Variants in KCNT2 observed in about 807,000 individuals in gnomAD.
KCNT2 encodes potassium channel subfamily T member 2.
A neutral mutation model predicts 153.8 loss-of-function variants in KCNT2; 67 were observed. That is an observed-to-expected ratio of 0.44 (90% CI 0.36 to 0.53). The LOEUF is 0.53. KCNT2 is among the 20% of genes least tolerant of loss of function. The probability of loss-of-function intolerance (pLI) is 0.00; values close to 1 mark genes in which losing one functional copy is unlikely to be tolerated. For missense variants in KCNT2, 975 were observed against 1,354.8 expected (o/e 0.72, Z 4.40); for synonymous variants, 500 against 458.8 (o/e 1.09, Z -1.15).
intron 1 of KCNT2, among the ~76,000 whole-genome samples, chr1:196,588,092 T>C (rs1226611371): frequency 6.6e-6 from 1 of 152,064 alleles, no homozygotes; most frequent in Non-Finnish European, 1.5e-5. Context: ...TCTTTTATTG[T>C]TAACCTGAAC....
At chr1:196,411,944 T>G (rs1489670624) in intron 12 of KCNT2, among the ~76,000 whole-genome samples, 1 of 151,778 alleles carries the variant, frequency 6.6e-6, no homozygotes, top group Non-Finnish European at 1.5e-5. Flanking sequence ...GGGAATATAT[T>G]TTTAAGTTCT....
intron 12 of KCNT2, chr1:196,404,075 T>A (rs1671638146): frequency 1.3e-6 from 1 of 742,476 alleles, no homozygotes; most frequent in African/African-American, 1.9e-5. Context: ...AGTCCTCCCT[T>A]TTCCCAAAAG....
At chr1:196,250,152 A>G (rs1464542372) in intron 26 of KCNT2, among the ~76,000 whole-genome samples, 1 of 152,192 alleles carries the variant, frequency 6.6e-6, no homozygotes, top group Non-Finnish European at 1.5e-5. Context: ...CCCTGAGCAA[A>G]AAAGAACAAA....
chr1:196,361,053 C>T (rs546032765), intron 14 of KCNT2, among the ~76,000 whole-genome samples: 39 of 152,122 alleles, frequency 2.6e-4, no homozygotes, highest in Admixed American at 6.6e-4. Context: ...GAAATCCACT[C>T]AGCAGAAAGT....
intron 1 of KCNT2, among the ~76,000 whole-genome samples, chr1:196,588,769 TA>T (rs1662988860): frequency 6.9e-5 from 1 of 14,558 alleles, no homozygotes; most frequent in Non-Finnish European, 1.6e-3. Flanking sequence ...CAAGGAACAA[TA>T]ATACATAGAC....
chr1:196,602,068 G>A (rs1036342123), intron 1 of KCNT2, among the ~76,000 whole-genome samples: 1 of 151,968 alleles, frequency 6.6e-6, no homozygotes, highest in Non-Finnish European at 1.5e-5. Flanking sequence ...GATTGTGAAA[G>A]ATTAAAAATA....
intron 8 of KCNT2, among the ~76,000 whole-genome samples, chr1:196,462,457 T>C (rs1404986110): frequency 1.3e-5 from 2 of 151,770 alleles, no homozygotes; most frequent in Admixed American, 6.6e-5. Context: ...TCTTATATTT[T>C]CTGTTAATAT....
chr1:196,429,786 A>C, intron 8 of KCNT2, 29 bp from the exon 9 acceptor site: 1 of 1,487,068 alleles, frequency 6.7e-7, no homozygotes, highest in Non-Finnish European at 9.1e-7. Flanking sequence ...ATTACAATTA[A>C]ATCTTTCAAA....
intron 15 of KCNT2, 82 bp downstream of exon 15, chr1:196,341,997 T>C (rs1412129222): frequency 2.2e-6 from 3 of 1,394,260 alleles, no homozygotes; most frequent in Non-Finnish European, 2.9e-6. Flanking sequence ...GAACACAATA[T>C]GCATTCTATT....
At chr1:196,299,673 C>T (rs1408791797) in intron 22 of KCNT2, among the ~76,000 whole-genome samples, 1 of 152,030 alleles carries the variant, frequency 6.6e-6, no homozygotes, top group Non-Finnish European at 1.5e-5. Flanking sequence ...AGTAGTACAG[C>T]AATTATGGAC....
chr1:196,321,515 T>A (rs1374003607), intron 19 of KCNT2, among the ~76,000 whole-genome samples: 1 of 151,970 alleles, frequency 6.6e-6, no homozygotes, highest in African/African-American at 2.4e-5. Flanking sequence ...AACTCATGAA[T>A]TTCAGTCACA....
chr1:196,228,022 G>C lies in KCNT2; in HGVS notation c.*202C>G, dbSNP rs936685788. 1.6e-5 allele frequency: 6 copies of C among 386,248 alleles called. No individual in the cohort carries two copies. The highest frequency in any genetic ancestry group is 2.8e-5 in the Non-Finnish European group (6 of 217,668). The allele number at this position is 386,248 out of a possible 1,614,324, so 23.9% of individuals were successfully genotyped here. A position where few individuals can be genotyped will look rare whatever the true frequency, so the allele number is the denominator to read the frequency against. On this transcript the variant is annotated 3_prime_UTR_variant, in exon 28 of 28. Transcript: ENST00000294725. ...TTTAGCTTTTCAAATTTATTCCATT[G>C]AGGTCCTTCAAATATTAATAGGGAG...
At chr1:196,418,165 G>A (rs1038970439) in intron 12 of KCNT2, among the ~76,000 whole-genome samples, 17 of 151,660 alleles carry the variant, frequency 1.1e-4, no homozygotes, top group Non-Finnish European at 2.4e-4. Flanking sequence ...CTGTCTGCTT[G>A]GGCTACCATA....
chr1:196,534,188 TCATGGTTATC>T (rs941747198), intron 1 of KCNT2, among the ~76,000 whole-genome samples: 2 of 152,168 alleles, frequency 1.3e-5, no homozygotes, highest in African/African-American at 4.8e-5. Context: ...TTCCCATATC[TCATGGTTATC>T]CATATTTTAA....
chr1:196,583,080 G>A (rs1477902971), intron 1 of KCNT2, among the ~76,000 whole-genome samples: 1 of 151,954 alleles, frequency 6.6e-6, no homozygotes, highest in African/African-American at 2.4e-5. Flanking sequence ...CCAGAGAGAG[G>A]AATTGTCCAA....
intron 14 of KCNT2, among the ~76,000 whole-genome samples, chr1:196,365,891 A>T (rs1231951541): frequency 6.6e-6 from 1 of 152,196 alleles, no homozygotes; most frequent in Non-Finnish European, 1.5e-5. Flanking sequence ...CCAATGAGAC[A>T]ACTAAAGACC....
chr1:196,286,277 ATG>A (rs879320541), intron 22 of KCNT2, among the ~76,000 whole-genome samples: 9 of 152,230 alleles, frequency 5.9e-5, no homozygotes, highest in Non-Finnish European at 1.3e-4. Flanking sequence ...TGATTAGTTC[ATG>A]GAGGTGGAAC....
chr1:196,384,755 T>C (rs1249201219), intron 13 of KCNT2, among the ~76,000 whole-genome samples: 2 of 150,532 alleles, frequency 1.3e-5, no homozygotes, highest in African/African-American at 4.9e-5. Context: ...TTGGCAACCA[T>C]TACTCTGGAC....
At chr1:196,388,341 G>T (rs1670177076) in intron 13 of KCNT2, among the ~76,000 whole-genome samples, 1 of 151,516 alleles carries the variant, frequency 6.6e-6, no homozygotes, top group Non-Finnish European at 1.5e-5. Flanking sequence ...AGGTACTACG[G>T]ATATTCTGAC....
Sources: allele counts gnomAD v4.1 joint callset (sites outside exome capture counted in the v4.1 genomes callset), GRCh38; gene constraint gnomAD v4.1.1; transcripts MANE v1.5; gene names NCBI Gene and HGNC (gene_info 2026-07-23, HGNC 2026-07-21).